GALK2: variants seen among roughly 807,000 people sequenced by gnomAD.
GALK2 encodes the protein galactokinase 2, also known as N-acetylgalactosamine kinase.
A neutral mutation model predicts 52.4 loss-of-function variants in GALK2; 36 were observed. The observed-to-expected ratio is 0.69, with a 90% CI of 0.53 to 0.91. The LOEUF (loss-of-function observed/expected upper bound fraction) is 0.91. Ranked by LOEUF, GALK2 falls within the 40% of genes least tolerant of loss-of-function variation. GALK2 has a pLI of 0.00. For synonymous variants in GALK2, 176 were observed against 199.1 expected (o/e 0.88, Z 0.98); for missense variants, 579 against 559.1 (o/e 1.04, Z -0.36).
intron 3 of GALK2, among the ~76,000 whole-genome samples, chr15:49,233,149 A>G (rs2090599104): frequency 6.6e-6 from 1 of 152,214 alleles, no homozygotes; most frequent in South Asian, 2.1e-4. Flanking sequence ...TCACAATTCT[A>G]CAGGTGTACA....
rs941502777 is a variant in GALK2, at chr15:49,330,946, G to C, written c.*2787G>C. On this transcript the variant is annotated 3_prime_UTR_variant, in exon 10 of 10. Transcript: ENST00000560031. Reference sequence around the variant, plus strand: ...TCCAGCCTGGGAGACAGGTGACAGAGTGAGACCCTGTTTCAACAACAACAA... The same window carrying C: ...TCCAGCCTGGGAGACAGGTGACAGACTGAGACCCTGTTTCAACAACAACAA... The C allele has an allele frequency of 1.3e-5, 2 of 152,242 alleles. No homozygotes were observed. The highest frequency in any genetic ancestry group is 4.8e-5 in the African/African-American group (2 of 41,412). 9.4% of individuals were successfully genotyped at this position (152,242 alleles called of 1,614,324 possible). A position where few individuals can be genotyped will look rare whatever the true frequency, so the allele number is the denominator to read the frequency against.
intron 8 of GALK2, among the ~76,000 whole-genome samples, chr15:49,313,083 G>C (rs2141919777): frequency 6.6e-6 from 1 of 152,346 alleles, no homozygotes; most frequent in Middle Eastern, 3.4e-3. Context: ...GTTGGGAATG[G>C]TGAGAACTGT....
chr15:49,259,839 T>C (rs1276143405), intron 5 of GALK2, among the ~76,000 whole-genome samples: 3 of 151,758 alleles, frequency 2.0e-5, no homozygotes, highest in Non-Finnish European at 4.4e-5. Context: ...GTTTGGTTTT[T>C]TTGTTCTTGC....
intron 1 of GALK2, among the ~76,000 whole-genome samples, chr15:49,174,971 C>T (rs889097055): frequency 6.6e-6 from 1 of 152,020 alleles, no homozygotes; most frequent in African/African-American, 2.4e-5. Context: ...GTTCTAACTT[C>T]GAGTAGGGAA....
chr15:49,347,095 TAAGTTTCACTA>T (rs1293856578), intron 3 of GALK2, among the ~76,000 whole-genome samples: 1 of 152,230 alleles, frequency 6.6e-6, no homozygotes, highest in East Asian at 1.9e-4. Context: ...GCAGTTCTAG[TAAGTTTCACTA>T]TTTAATACAT....
At chr15:49,181,324 G>T (rs2085953140) in intron 1 of GALK2, among the ~76,000 whole-genome samples, 1 of 151,482 alleles carries the variant, frequency 6.6e-6, no homozygotes, top group African/African-American at 2.4e-5. Flanking sequence ...GCCCAGGCTG[G>T]TCTGGAATTC....
chr15:49,245,025 C>T (rs1367711424), intron 5 of GALK2, among the ~76,000 whole-genome samples: 4 of 151,820 alleles, frequency 2.6e-5, no homozygotes, highest in South Asian at 2.1e-4. Context: ...AAGTTTGTAA[C>T]AGAAATGAAA....
chr15:49,307,076 C>T (rs191162615), intron 8 of GALK2, among the ~76,000 whole-genome samples: 1 of 152,260 alleles, frequency 6.6e-6, no homozygotes, highest in East Asian at 1.9e-4. Context: ...GGTATGGATG[C>T]CTCTGACTGT....
At chr15:49,315,486 G>A (rs2036329329) in intron 8 of GALK2, among the ~76,000 whole-genome samples, 1 of 152,190 alleles carries the variant, frequency 6.6e-6, no homozygotes, top group Admixed American at 6.5e-5. Flanking sequence ...GACCTGATGA[G>A]TTGCCAGCAC....
intron 5 of GALK2, among the ~76,000 whole-genome samples, chr15:49,245,841 A>G (rs1439858188): frequency 2.6e-5 from 4 of 152,316 alleles, no homozygotes; most frequent in African/African-American, 9.6e-5. Flanking sequence ...TATAAGTCAC[A>G]CAGAAGTAGC....
At chr15:49,303,012 A>G (rs901174595) in intron 8 of GALK2, among the ~76,000 whole-genome samples, 2 of 152,150 alleles carry the variant, frequency 1.3e-5, no homozygotes, top group African/African-American at 2.4e-5. Context: ...TTTGCAGAAA[A>G]TTTGCTTTCA....
chr15:49,221,144 T>A (rs2089764154), intron 3 of GALK2, among the ~76,000 whole-genome samples: 1 of 151,984 alleles, frequency 6.6e-6, no homozygotes, highest in Non-Finnish European at 1.5e-5. Context: ...ATCTTAGTCA[T>A]AAAATCTTTG....
intron 9 of GALK2, chr15:49,327,352 A>T (rs1225931447): frequency 6.6e-6 from 1 of 152,204 alleles, no homozygotes; most frequent in Non-Finnish European, 1.5e-5. Context: ...TTAGAGATTC[A>T]ACCAACCACC....
chr15:49,295,303 G>A (rs1423213560), intron 8 of GALK2, among the ~76,000 whole-genome samples: 1 of 144,012 alleles, frequency 6.9e-6, no homozygotes, highest in Admixed American at 6.8e-5. Context: ...AAGATGACAA[G>A]CTCATTTCTC....
At chr15:49,243,411 G>T (rs1370580262) in intron 5 of GALK2, among the ~76,000 whole-genome samples, 1 of 152,202 alleles carries the variant, frequency 6.6e-6, no homozygotes, top group Non-Finnish European at 1.5e-5. Context: ...CAGCAGGAAT[G>T]TTGGAGGATC....
At chr15:49,249,811 C>T (rs1238947766) in intron 5 of GALK2, among the ~76,000 whole-genome samples, 1 of 152,132 alleles carries the variant, frequency 6.6e-6, no homozygotes, top group African/African-American at 2.4e-5. Flanking sequence ...AAATATTTGC[C>T]CTGGCATGCT....
chr15:49,334,055 T>C (rs2039278014), downstream of GALK2, among the ~76,000 whole-genome samples: 1 of 152,248 alleles, frequency 6.6e-6, no homozygotes, highest in African/African-American at 2.4e-5. Flanking sequence ...TGATAATGTT[T>C]AGCAATTAAT....
At chr15:49,264,211 C>G (rs1215215494) in intron 5 of GALK2, among the ~76,000 whole-genome samples, 2 of 151,860 alleles carry the variant, frequency 1.3e-5, no homozygotes, top group Admixed American at 6.6e-5. Flanking sequence ...GTACACCAAT[C>G]AGACGTAGAT....
At chr15:49,156,155 T>C (rs1425862139) in intron 1 of GALK2, 8 of 824,058 alleles carry the variant, frequency 9.7e-6, no homozygotes, top group Non-Finnish European at 1.2e-5. Context: ...AACAATTCTA[T>C]GGATATCCTA....
Sources: allele counts gnomAD v4.1 joint callset (sites outside exome capture counted in the v4.1 genomes callset), GRCh38; gene constraint gnomAD v4.1.1; transcripts MANE v1.5; gene names NCBI Gene and HGNC (gene_info 2026-07-23, HGNC 2026-07-21).